Variants in IL1RAPL1 observed in about 807,000 individuals in gnomAD.
IL1RAPL1 encodes the protein interleukin-1 receptor accessory protein-like 1.
A neutral mutation model predicts 48.4 loss-of-function variants in IL1RAPL1; 3 were observed. The observed-to-expected ratio is 0.06, with a 90% CI of 0.03 to 0.16. IL1RAPL1 has a LOEUF of 0.16. IL1RAPL1 is among the 10% of genes least tolerant of loss of function. IL1RAPL1 has a pLI of 1.00. For missense variants in IL1RAPL1, 349 were observed against 530.6 expected (o/e 0.66, Z 3.36); for synonymous variants, 185 against 187.7 (o/e 0.99, Z 0.12).
At chrX:29,945,691 T>A (rs749527844) in intron 9 of IL1RAPL1, among the ~76,000 whole-genome samples, 5 of 112,145 alleles carry the variant, frequency 4.5e-5, no homozygotes, top group Non-Finnish European at 3.8e-5. Flanking sequence ...ACAGCCATTT[T>A]ATCAGACTTG....
intron 2 of IL1RAPL1, among the ~76,000 whole-genome samples, chrX:29,119,851 A>T (rs1476285559): frequency 2.7e-5 from 3 of 111,686 alleles, no homozygotes; most frequent in Non-Finnish European, 5.7e-5. Flanking sequence ...TACACAAGAT[A>T]ATTCTGTTGT....
At chrX:29,937,017 T>C (rs928661268) in intron 8 of IL1RAPL1, among the ~76,000 whole-genome samples, 1 of 111,851 alleles carries the variant, frequency 8.9e-6, no homozygotes, top group African/African-American at 3.2e-5. Flanking sequence ...CTATTGTTAA[T>C]TGCCTGTAAC....
At chrX:28,956,143 A>C (rs1469564645) in intron 2 of IL1RAPL1, among the ~76,000 whole-genome samples, 1 of 108,166 alleles carries the variant, frequency 9.2e-6, no homozygotes, top group East Asian at 3.0e-4. Flanking sequence ...GTTGCTTATC[A>C]GCTTAAGGAG....
chrX:29,620,332 T>C (rs1924423147), intron 5 of IL1RAPL1, among the ~76,000 whole-genome samples: 1 of 111,880 alleles, frequency 8.9e-6, no homozygotes, highest in Non-Finnish European at 1.9e-5. Context: ...CAAACCTATA[T>C]GTTTTAGCCT....
At chrX:29,622,699 T>A (rs6526910) in intron 5 of IL1RAPL1, among the ~76,000 whole-genome samples, 30,076 of 110,401 alleles carry the variant, frequency 0.27, 3,095 homozygotes, top group South Asian at 0.44. Context: ...AGTATTTTTT[T>A]AATTACAAGC....
At chrX:29,215,844 TA>T (rs1169129448) in intron 2 of IL1RAPL1, among the ~76,000 whole-genome samples, 2 of 111,464 alleles carry the variant, frequency 1.8e-5, no homozygotes, top group East Asian at 5.7e-4. Context: ...CAGACTTTTT[TA>T]TCATTGTTTT....
At chrX:29,406,468 G>C (rs759424000) in intron 5 of IL1RAPL1, among the ~76,000 whole-genome samples, 57 of 110,439 alleles carry the variant, frequency 5.2e-4, no homozygotes, top group Non-Finnish European at 9.3e-4. Context: ...ACCCATCTGT[G>C]GGTATCGTGG....
chrX:28,991,055 T>G (rs1186819138), intron 2 of IL1RAPL1, among the ~76,000 whole-genome samples: 1 of 111,875 alleles, frequency 8.9e-6, no homozygotes, highest in East Asian at 2.8e-4. Context: ...GTATAGTTTG[T>G]TTGCTGTTGT....
At chrX:29,011,408 G>A (rs191114130) in intron 2 of IL1RAPL1, among the ~76,000 whole-genome samples, 1 of 112,421 alleles carries the variant, frequency 8.9e-6, no homozygotes, top group Admixed American at 9.5e-5. Flanking sequence ...GTTTTAAATG[G>A]TGGTTTAACT....
intron 5 of IL1RAPL1, among the ~76,000 whole-genome samples, chrX:29,429,585 G>A (rs755835906): frequency 2.9e-4 from 32 of 111,054 alleles, no homozygotes; most frequent in Non-Finnish European, 5.3e-4. Context: ...TATTTTCAGT[G>A]GTAGCACTTC....
chrX:28,873,794 G>A (rs1194409923), intron 2 of IL1RAPL1, among the ~76,000 whole-genome samples: 1 of 109,388 alleles, frequency 9.1e-6, no homozygotes, highest in East Asian at 2.9e-4. Flanking sequence ...GCCTCCCAAA[G>A]TGCTGGGATT....
At chrX:28,708,207 C>A (rs1437385767) in intron 1 of IL1RAPL1, among the ~76,000 whole-genome samples, 2 of 111,223 alleles carry the variant, frequency 1.8e-5, no homozygotes, top group East Asian at 5.7e-4. Flanking sequence ...GGTACTCTAG[C>A]AGTGAATAAT....
chrX:29,857,421 A>G (rs752649187), intron 6 of IL1RAPL1, among the ~76,000 whole-genome samples: 3 of 112,061 alleles, frequency 2.7e-5, no homozygotes, highest in Non-Finnish European at 5.7e-5. Context: ...TTCTATGTCT[A>G]TGTCCATATT....
intron 5 of IL1RAPL1, among the ~76,000 whole-genome samples, chrX:29,490,694 A>G (rs1935147126): frequency 9.1e-6 from 1 of 110,245 alleles, no homozygotes; most frequent in South Asian, 3.8e-4. Flanking sequence ...TTATTATTCT[A>G]TAATATATTG....
intron 2 of IL1RAPL1, among the ~76,000 whole-genome samples, chrX:29,142,219 A>G (rs1172133355): frequency 8.9e-6 from 1 of 112,115 alleles, no homozygotes; most frequent in Non-Finnish European, 1.9e-5. Flanking sequence ...AAAAATTACT[A>G]AAAATAGATT....
chrX:29,693,154 A>C (rs1232594906), intron 6 of IL1RAPL1, among the ~76,000 whole-genome samples: 1 of 112,051 alleles, frequency 8.9e-6, no homozygotes, highest in Admixed American at 9.5e-5. Flanking sequence ...CTTATTCATA[A>C]ACAGACATTT....
chrX:29,076,538 C>T (rs1004582365), intron 2 of IL1RAPL1, among the ~76,000 whole-genome samples: 1 of 111,751 alleles, frequency 8.9e-6, no homozygotes, highest in Non-Finnish European at 1.9e-5. Context: ...AACTTTCTCC[C>T]TCCCATCCCT....
chrX:29,501,368 A>T (rs147728889), intron 5 of IL1RAPL1, among the ~76,000 whole-genome samples: 1,603 of 111,530 alleles, frequency 0.014, 25 homozygotes, highest in African/African-American at 0.05. Flanking sequence ...TCTCACACAA[A>T]AAATTCTTTG....
intron 2 of IL1RAPL1, among the ~76,000 whole-genome samples, chrX:28,908,207 T>A (rs1302361643): frequency 9.0e-6 from 1 of 111,507 alleles, no homozygotes; most frequent in African/African-American, 3.3e-5. Flanking sequence ...TCAGTTTCAC[T>A]GTTTTCTGCT....
Sources: allele counts gnomAD v4.1 joint callset (sites outside exome capture counted in the v4.1 genomes callset), GRCh38; gene constraint gnomAD v4.1.1; transcripts MANE v1.5; gene names NCBI Gene and HGNC (gene_info 2026-07-23, HGNC 2026-07-21).